CLIC5: variants seen among roughly 807,000 people sequenced by gnomAD.
The protein encoded by CLIC5 is chloride intracellular channel protein 5.
In CLIC5, 20 loss-of-function variants were observed where a neutral mutation model predicts 24.7. The ratio of observed to expected loss-of-function variants is 0.81; its 90% confidence interval spans 0.57 to 1.18. The LOEUF (loss-of-function observed/expected upper bound fraction) is 1.18, where lower values mean the gene tolerates loss of function less well. Among genes scored for constraint, CLIC5 ranks in the 50% most tolerant of loss-of-function variants. CLIC5 has a pLI of 0.00. For synonymous variants in CLIC5, 159 were observed against 135.6 expected, an observed-to-expected ratio of 1.17 and a Z score of -1.20; for missense variants, 341 against 326.1, an observed-to-expected ratio of 1.05 and a Z score of -0.35.
intron 1 of CLIC5, among the ~76,000 whole-genome samples, chr6:46,067,336 C>A (rs186259970): frequency 2.0e-5 from 3 of 151,964 alleles, no homozygotes; most frequent in Admixed American, 2.0e-4. Flanking sequence ...AAAAAATGAC[C>A]CCCACCGACT....
intron 1 of CLIC5, among the ~76,000 whole-genome samples, chr6:45,980,550 C>T (rs1765533738): frequency 6.6e-6 from 1 of 151,610 alleles, no homozygotes; most frequent in Non-Finnish European, 1.5e-5. Context: ...GCACATGTAC[C>T]CCCAAAACAA....
intron 1 of CLIC5, among the ~76,000 whole-genome samples, chr6:45,967,497 T>A (rs1018149464): frequency 1.3e-5 from 2 of 152,120 alleles, no homozygotes; most frequent in Admixed American, 1.3e-4. Flanking sequence ...GTAAGAGAGT[T>A]TATTCATACA....
At chr6:45,964,557 C>A (rs1363407708) in intron 1 of CLIC5, among the ~76,000 whole-genome samples, 1 of 152,142 alleles carries the variant, frequency 6.6e-6, no homozygotes, top group Non-Finnish European at 1.5e-5. Context: ...GGAACCTAGC[C>A]ACCATGTTGT....
At position 45,902,909 on chromosome 6, in the gene CLIC5, C is replaced by T; in HGVS notation, c.*179G>A. The T allele has an allele frequency of 1.6e-6, 1 of 643,908 alleles. No individual in the cohort carries two copies. The highest frequency in any genetic ancestry group is 2.7e-6 in the Non-Finnish European group (1 of 375,974). 39.9% of individuals were successfully genotyped at this position (643,908 alleles called of 1,614,324 possible). A position where few individuals can be genotyped will look rare whatever the true frequency, so the allele number is the denominator to read the frequency against. ...CTGCTAGATTCCTATGTGAGGAGGC[C>T]AGGGATGGTGCTGACCTTCATGAAA... On this transcript the variant is annotated 3_prime_UTR_variant, in exon 6 of 6. Coordinates refer to ENST00000339561, the MANE Select transcript of CLIC5 (RefSeq NM_016929.5).
chr6:46,096,741 A>G, the CLIC5 span, among the ~76,000 whole-genome samples: 2 of 152,194 alleles, frequency 1.3e-5, no homozygotes, highest in Non-Finnish European at 2.9e-5. Flanking sequence ...AAATGTGTGA[A>G]TTACTGATAC....
chr6:45,896,577 A>T (rs1762395474), downstream of CLIC5, among the ~76,000 whole-genome samples: 1 of 152,236 alleles, frequency 6.6e-6, no homozygotes, highest in African/African-American at 2.4e-5. Flanking sequence ...GGCTCTGGGT[A>T]GGTTAGCTAC....
chr6:46,108,395 T>TGAGAGA, the CLIC5 span, among the ~76,000 whole-genome samples: 45 of 147,832 alleles, frequency 3.0e-4, no homozygotes, highest in East Asian at 2.0e-3. Flanking sequence ...TGTGTGTGTG[T>TGAGAGA]GTGTGTGAGA....
chr6:45,978,233 C>A (rs1160113790), intron 1 of CLIC5, among the ~76,000 whole-genome samples: 1 of 152,158 alleles, frequency 6.6e-6, no homozygotes, highest in Non-Finnish European at 1.5e-5. Context: ...TATACCTGGT[C>A]TGACCCATCT....
intron 5 of CLIC5, chr6:45,912,612 T>C (rs1762860837): frequency 1.4e-6 from 2 of 1,475,992 alleles, no homozygotes; most frequent in Non-Finnish European, 1.8e-6. Flanking sequence ...ATGATGTGCC[T>C]CAGCTCATGC....
chr6:45,989,157 ACAC>A (rs1765841594), intron 1 of CLIC5, among the ~76,000 whole-genome samples: 1 of 152,222 alleles, frequency 6.6e-6, no homozygotes, highest in Non-Finnish European at 1.5e-5. Context: ...AGGAAGAGAC[ACAC>A]AACAGGATTG....
chr6:45,938,853 AG>A (rs1470315239), intron 4 of CLIC5, among the ~76,000 whole-genome samples: 2 of 152,128 alleles, frequency 1.3e-5, no homozygotes, highest in African/African-American at 4.8e-5. Flanking sequence ...CTGGGTGTGG[AG>A]TCTGAAAACG....
At chr6:46,110,519 GT>G in the CLIC5 span, among the ~76,000 whole-genome samples, 1 of 152,160 alleles carries the variant, frequency 6.6e-6, no homozygotes, top group Non-Finnish European at 1.5e-5. Context: ...ATTTTTCCAA[GT>G]TTTTTACTGG....
chr6:45,948,712 G>A (rs948273134), intron 3 of CLIC5, among the ~76,000 whole-genome samples: 2 of 151,940 alleles, frequency 1.3e-5, no homozygotes, highest in Non-Finnish European at 2.9e-5. Context: ...ATAGCTCTAC[G>A]GTCTATACTC....
intron 4 of CLIC5, chr6:45,932,868 T>C (rs1173487625): frequency 6.6e-6 from 1 of 152,238 alleles, no homozygotes; most frequent in Non-Finnish European, 1.5e-5. Context: ...TGCTGCCTTA[T>C]ATGAGGGCTC....
chr6:45,970,398 G>A (rs183842343), intron 1 of CLIC5, among the ~76,000 whole-genome samples: 75 of 152,284 alleles, frequency 4.9e-4, no homozygotes, highest in African/African-American at 1.7e-3. Flanking sequence ...TGCTGGCTGA[G>A]TTATATGTTC....
chr6:45,916,539 T>G (rs1763038667), intron 4 of CLIC5, among the ~76,000 whole-genome samples: 1 of 152,008 alleles, frequency 6.6e-6, no homozygotes, highest in Non-Finnish European at 1.5e-5. Context: ...CCAACTAATA[T>G]CATCTGAGGG....
intron 2 of CLIC5, among the ~76,000 whole-genome samples, 155 bp downstream of exon 2, chr6:45,954,980 C>G (rs1022767217): frequency 6.6e-6 from 1 of 152,234 alleles, no homozygotes; most frequent in African/African-American, 2.4e-5. Context: ...TTTGCAGACT[C>G]TCTTGTAGCT....
At chr6:46,005,996 ATATT>A (rs1383182943) in intron 1 of CLIC5, among the ~76,000 whole-genome samples, 1 of 118,452 alleles carries the variant, frequency 8.4e-6, no homozygotes, top group East Asian at 2.3e-4. Flanking sequence ...ATATATATAT[ATATT>A]TATATATATA....
At chr6:46,056,690 A>G (rs975535550) in intron 1 of CLIC5, among the ~76,000 whole-genome samples, 1 of 152,154 alleles carries the variant, frequency 6.6e-6, no homozygotes, top group East Asian at 1.9e-4. Flanking sequence ...ATTTACTGGG[A>G]TACCACTATG....
Sources: gnomAD v4.1 joint callset for allele counts (sites outside exome capture counted in the v4.1 genomes callset) on GRCh38, gnomAD v4.1.1 for gene constraint, MANE v1.5 for transcripts, NCBI Gene and HGNC (gene_info 2026-07-23, HGNC 2026-07-21) for gene names.